The following PIGL variants were observed in gnomAD, a reference collection of about 807,000 sequenced individuals.
PIGL encodes the protein N-acetylglucosaminyl-phosphatidylinositol de-N-acetylase.
In PIGL, 22 loss-of-function variants were observed where a neutral mutation model predicts 31.1. That is an observed-to-expected ratio of 0.71 (90% CI 0.51 to 1.01). The LOEUF (loss-of-function observed/expected upper bound fraction) is 1.01. Among genes scored for constraint, PIGL ranks in the 50% least tolerant of loss-of-function variants. The pLI is 0.00. For missense variants in PIGL, 302 were observed against 315.9 expected (o/e 0.96, Z 0.33); for synonymous variants, 131 against 117.4 (o/e 1.12, Z -0.75).
chr17:16,325,749 A>C (rs959793518), intron 6 of PIGL, 51 bp from the exon 7 acceptor site: 26 of 1,376,402 alleles, frequency 1.9e-5, no homozygotes, highest in Non-Finnish European at 2.6e-5. Flanking sequence ...GAAAGTAATG[A>C]AACAACTCCA....
At chr17:16,274,800 G>C (rs544818464) in intron 2 of PIGL, among the ~76,000 whole-genome samples, 1 of 151,898 alleles carries the variant, frequency 6.6e-6, no homozygotes, top group East Asian at 1.9e-4. Context: ...AGGAGGCCGA[G>C]GGGGGCGGAT....
intron 4 of PIGL, among the ~76,000 whole-genome samples, chr17:16,316,018 C>T (rs1285348013): frequency 6.6e-6 from 1 of 152,056 alleles, no homozygotes; most frequent in Non-Finnish European, 1.5e-5. Context: ...TTTTCTACCT[C>T]TCAGGCTCTG....
At chr17:16,231,727 A>G (rs146812744) in intron 1 of PIGL, among the ~76,000 whole-genome samples, 1 of 152,300 alleles carries the variant, frequency 6.6e-6, no homozygotes, top group East Asian at 1.9e-4. Flanking sequence ...TGTTATGGGA[A>G]GACTACTAAG....
At chr17:16,298,532 T>C (rs2092991854) in intron 2 of PIGL, among the ~76,000 whole-genome samples, 1 of 152,176 alleles carries the variant, frequency 6.6e-6, no homozygotes, top group Non-Finnish European at 1.5e-5. Flanking sequence ...GCCTGTGATG[T>C]GGCCAGGTGG....
intron 2 of PIGL, among the ~76,000 whole-genome samples, chr17:16,256,477 G>A (rs908680920): frequency 2.6e-5 from 4 of 151,338 alleles, no homozygotes; most frequent in African/African-American, 4.9e-5. Context: ...TCAGCCTCCC[G>A]AGTAGCTGGG....
At chr17:16,231,081 T>C (rs1382741458) in intron 1 of PIGL, among the ~76,000 whole-genome samples, 3 of 146,938 alleles carry the variant, frequency 2.0e-5, no homozygotes, top group Non-Finnish European at 4.5e-5. Context: ...TTTTTTTTTT[T>C]TTTTTTTTGG....
chr17:16,311,268 A>G (rs1458777729), intron 3 of PIGL, among the ~76,000 whole-genome samples: 1 of 146,908 alleles, frequency 6.8e-6, no homozygotes, highest in Non-Finnish European at 1.5e-5. Context: ...CCTTATTATT[A>G]TTATTATTCA....
rs960604660 is a variant in PIGL, at chr17:16,318,032, C to T, written c.660+124C>T. 28 of 775,758 alleles carry T rather than the reference C, an allele frequency of 3.6e-5. No homozygotes were observed. In the African/African-American group the frequency reaches 4.3e-4, roughly 12 times the overall value. The allele number at this position is 775,758 out of a possible 1,614,324, so 48.1% of individuals were successfully genotyped here. ...TTTCACAGTGGTTCAGCACCTGTCC[C>T]TGAGAATTAGGGCTAGGCCAGCTAG... On this transcript the variant is annotated intron_variant, in intron 6 of 6. Coordinates refer to ENST00000225609, the MANE Select transcript of PIGL (RefSeq NM_004278.4).
chr17:16,232,196 T>C (rs1041415745), intron 1 of PIGL, among the ~76,000 whole-genome samples: 8 of 152,094 alleles, frequency 5.3e-5, no homozygotes, highest in Non-Finnish European at 8.8e-5. Context: ...GAGAATCGCT[T>C]GCACCTGAGA....
At chr17:16,221,195 G>A (rs1442832096) in intron 1 of PIGL, among the ~76,000 whole-genome samples, 1 of 152,110 alleles carries the variant, frequency 6.6e-6, no homozygotes, top group Non-Finnish European at 1.5e-5. Flanking sequence ...AAATTTTTAT[G>A]AACCTATTGA....
intron 2 of PIGL, among the ~76,000 whole-genome samples, chr17:16,247,982 G>A (rs565678147): frequency 7.9e-5 from 12 of 152,020 alleles, no homozygotes; most frequent in Admixed American, 7.9e-4. Flanking sequence ...CTGCCTCCTG[G>A]GTTCAAGCGA....
chr17:16,280,048 C>G (rs889567092), intron 2 of PIGL, among the ~76,000 whole-genome samples: 5 of 152,180 alleles, frequency 3.3e-5, no homozygotes, highest in Admixed American at 2.6e-4. Flanking sequence ...TACATCAGGG[C>G]AGAAGCCCAG....
At chr17:16,240,199 T>C (rs2092716826) in intron 2 of PIGL, among the ~76,000 whole-genome samples, 1 of 152,144 alleles carries the variant, frequency 6.6e-6, no homozygotes, top group Non-Finnish European at 1.5e-5. Flanking sequence ...GCCTCTGCCA[T>C]GTAGGATGCT....
At chr17:16,316,283 G>A (rs780327193) in intron 4 of PIGL, among the ~76,000 whole-genome samples, 2 of 152,190 alleles carry the variant, frequency 1.3e-5, no homozygotes, top group Non-Finnish European at 2.9e-5. Context: ...GGGAAGCTCA[G>A]AAAGGAGAAA....
chr17:16,300,404 G>A (rs1298563862), intron 3 of PIGL, among the ~76,000 whole-genome samples: 1 of 152,184 alleles, frequency 6.6e-6, no homozygotes, highest in Non-Finnish European at 1.5e-5. Flanking sequence ...TTTGTGACTG[G>A]GTGTGGTGGC....
At chr17:16,300,543 T>C (rs1295413319) in intron 3 of PIGL, among the ~76,000 whole-genome samples, 1 of 151,968 alleles carries the variant, frequency 6.6e-6, no homozygotes, top group Non-Finnish European at 1.5e-5. Context: ...TAGCCGGGCG[T>C]GGTGGCATGT....
intron 2 of PIGL, among the ~76,000 whole-genome samples, chr17:16,291,521 A>AAAGG (rs1555860362): frequency 2.9e-5 from 4 of 140,146 alleles, no homozygotes; most frequent in Non-Finnish European, 6.1e-5. Flanking sequence ...AAAAAAAAAA[A>AAAGG]AAAGAAAGAA....
chr17:16,217,827 CTA>C (rs1206171017), intron 1 of PIGL: 1 of 217,442 alleles, frequency 4.6e-6, no homozygotes, highest in East Asian at 1.2e-4. Context: ...ACGAAACAAT[CTA>C]TGCTGTATCG....
intron 2 of PIGL, among the ~76,000 whole-genome samples, chr17:16,254,609 GT>G (rs34748399): frequency 0.41 from 61,555 of 150,572 alleles, 13,371 homozygotes; most frequent in Middle Eastern, 0.54. Context: ...TTGTTTTTTT[GT>G]TTTGTTTTTT....
Sources: gnomAD v4.1 joint callset for allele counts (sites outside exome capture counted in the v4.1 genomes callset) on GRCh38, gnomAD v4.1.1 for gene constraint, MANE v1.5 for transcripts, NCBI Gene and HGNC (gene_info 2026-07-23, HGNC 2026-07-21) for gene names.